Variants in GSN observed in about 807,000 individuals in gnomAD.
The protein encoded by GSN is gelsolin.
A neutral mutation model predicts 85.7 loss-of-function variants in GSN; 56 were observed. That is an observed-to-expected ratio of 0.65 (90% CI 0.53 to 0.82). The LOEUF (loss-of-function observed/expected upper bound fraction) is 0.82, where lower values mean the gene tolerates loss of function less well. GSN is among the 40% of genes least tolerant of loss of function. The pLI, the probability that GSN is intolerant of heterozygous loss-of-function variation, is 0.00. For missense variants in GSN, 857 were observed against 979.8 expected (o/e 0.87, Z 1.67); for synonymous variants, 373 against 399.1 (o/e 0.93, Z 0.78).
At chr9:121,243,552 A>G (rs887768224) in intron 5 of GSN, among the ~76,000 whole-genome samples, 26 of 152,254 alleles carry the variant, frequency 1.7e-4, no homozygotes, top group African/African-American at 5.8e-4. Flanking sequence ...AGGGTTATTG[A>G]GGTATAATGT....
At chr9:121,275,953 C>A (rs1335432818) in intron 1 of GSN, among the ~76,000 whole-genome samples, 3 of 152,170 alleles carry the variant, frequency 2.0e-5, no homozygotes, top group Non-Finnish European at 2.9e-5. Context: ...TATACCAAGA[C>A]ATCTTATTGT....
chr9:121,271,751 A>T (rs2056002651), intron 1 of GSN, among the ~76,000 whole-genome samples: 1 of 152,160 alleles, frequency 6.6e-6, no homozygotes, highest in Non-Finnish European at 1.5e-5. Flanking sequence ...TTGTAAACTC[A>T]TGCTTTCCTG....
intron 12 of GSN, 80 bp from the exon 13 acceptor site, chr9:121,326,432 G>A (rs2063172064): frequency 2.6e-6 from 3 of 1,152,936 alleles, no homozygotes; most frequent in East Asian, 4.8e-5. Flanking sequence ...GCTTCGTCTG[G>A]AGGGATGGGC....
intron 16 of GSN, among the ~76,000 whole-genome samples, chr9:121,330,226 T>C (rs2063737995): frequency 6.6e-6 from 1 of 152,190 alleles, no homozygotes; most frequent in Admixed American, 6.5e-5. Flanking sequence ...ATGAGCAAAA[T>C]AGAATGCCTG....
intron 6 of GSN, among the ~76,000 whole-genome samples, chr9:121,252,478 G>T (rs1168111536): frequency 2.0e-5 from 3 of 152,224 alleles, no homozygotes; most frequent in Non-Finnish European, 4.4e-5. Flanking sequence ...TGTTCACCAA[G>T]TATCTATCTA....
chr9:121,249,306 A>G (rs550562548), intron 6 of GSN, among the ~76,000 whole-genome samples: 2 of 151,460 alleles, frequency 1.3e-5, no homozygotes, highest in Non-Finnish European at 3.0e-5. Flanking sequence ...AAAAAAAAAA[A>G]TTTTTTTTTA....
At position 121,327,457 on chromosome 9, in the gene GSN, G is replaced by T; in HGVS notation, c.1737G>T (p.Val579=). 1 of 1,591,160 alleles carries T rather than the reference G, an allele frequency of 6.3e-7. No individual in the cohort carries two copies. Among genetic ancestry groups the T allele is most frequent in the Non-Finnish European group, 8.6e-7 (1 of 1,167,964 alleles). The part of the protein sequence containing the change: ...ELLRVLRAQP[V]QVAEGSEPDG... ...TCAGGGTGCTGCGGGCCCAACCTGTGCAGGTGGCAGAAGGCAGCGAGCCAG... is the reference window on the plus strand; with the variant it reads ...TCAGGGTGCTGCGGGCCCAACCTGTTCAGGTGGCAGAAGGCAGCGAGCCAG... Residue 579 remains valine (V), a synonymous_variant, in exon 14 of 18, where the codon GTG becomes GTT. Transcript: ENST00000432226.
chr9:121,313,621 A>G (rs368689595), intron 6 of GSN: 1 of 419,930 alleles, frequency 2.4e-6, no homozygotes. Flanking sequence ...TTTTAAAGGT[A>G]GGCGGTAGAA....
Position 121,321,290 on chromosome 9 carries a change from AC to A in GSN, c.1215del (p.Asn405LysfsTer34). ...CAGATCTGGAGAATCGAAGGTTCCA[AC>A]AAGGTGCCCGTGGACCCTGCCACAT... ...QKQIWRIEGS[N>X]KVPVDPATYG... On this transcript the variant is annotated frameshift_variant, in exon 11 of 18. Coordinates refer to ENST00000432226, the MANE Select transcript of GSN (RefSeq NM_198252.3). LOFTEE classifies it high-confidence loss of function. 6.2e-7 allele frequency: 1 copy of A among 1,614,096 alleles called. No homozygotes were observed. The highest frequency in any genetic ancestry group is 8.5e-7 in the Non-Finnish European group (1 of 1,179,942).
chr9:121,216,480 G>A (rs2054066588), intron 4 of GSN, among the ~76,000 whole-genome samples: 1 of 152,086 alleles, frequency 6.6e-6, no homozygotes, highest in South Asian at 2.1e-4. Flanking sequence ...ACATTCACTG[G>A]CCAAGACTTT....
Position 121,324,627 on chromosome 9 carries a change from G to A in GSN, c.1399G>A (p.Gly467Arg), listed in dbSNP as rs145721476. 1.8e-5 allele frequency: 27 copies of A among 1,537,562 alleles called. No individual in the cohort carries two copies. The African/African-American group carries it at 2.6e-4, about 15-fold the overall frequency. ...GACTGCTCAGCTGGATGAGGAGCTG[G>A]GAGGTACCCCTGTCCAGGTGAGCCC... ...ILTAQLDEEL[G>R]GTPVQSRVVQ... The change falls in exon 12 of 18, where the codon GGA becomes AGA. Residue 467 changes from glycine to arginine, a missense_variant. Coordinates refer to ENST00000432226, the MANE Select transcript of GSN (RefSeq NM_198252.3).
intron 4 of GSN, among the ~76,000 whole-genome samples, chr9:121,220,360 A>G (rs978319215): frequency 2.3e-5 from 3 of 129,214 alleles, no homozygotes; most frequent in African/African-American, 7.5e-5. Flanking sequence ...TATCTGCATC[A>G]TTAGTATTCT....
chr9:121,262,729 A>T (rs760382692), intron 6 of GSN, among the ~76,000 whole-genome samples: 2 of 152,228 alleles, frequency 1.3e-5, no homozygotes, highest in Non-Finnish European at 2.9e-5. Context: ...GGCAGTGCTT[A>T]TATGGAACAC....
intron 2 of GSN, among the ~76,000 whole-genome samples, chr9:121,291,759 A>G (rs1722971318): frequency 6.6e-6 from 1 of 152,004 alleles, no homozygotes; most frequent in Admixed American, 6.6e-5. Context: ...TACTTGTATC[A>G]AGTTCTGGTG....
At chr9:121,268,090 C>G (rs1384398506), upstream of GSN, 2 of 151,626 alleles carry the variant, frequency 1.3e-5, no homozygotes, top group African/African-American at 4.8e-5. Flanking sequence ...GCCGCCCCGC[C>G]CCGAGGGCGG....
chr9:121,278,719 G>C (rs13292100), intron 1 of GSN, among the ~76,000 whole-genome samples: 57,574 of 152,092 alleles, frequency 0.38, 13,583 homozygotes, highest in East Asian at 0.62. Flanking sequence ...GTGGGTGGTG[G>C]ACTAGAATCA....
At chr9:121,323,371 GTTT>G (rs59056849) in intron 11 of GSN, among the ~76,000 whole-genome samples, 1 of 117,744 alleles carries the variant, frequency 8.5e-6, no homozygotes, top group Admixed American at 9.4e-5. Flanking sequence ...TCCCATTACC[GTTT>G]TTTTTTTTTT....
At chr9:121,254,097 G>C (rs1251526650) in intron 6 of GSN, among the ~76,000 whole-genome samples, 1 of 152,030 alleles carries the variant, frequency 6.6e-6, no homozygotes, top group Non-Finnish European at 1.5e-5. Context: ...CTAGAGTCTG[G>C]ATCATCAGCA....
chr9:121,296,072 G>C (rs985393823), intron 2 of GSN, among the ~76,000 whole-genome samples: 7 of 152,206 alleles, frequency 4.6e-5, no homozygotes, highest in Admixed American at 4.6e-4. Context: ...GCCCTGGCCT[G>C]GGAAGTGTCG....
Sources: gnomAD v4.1 joint callset for allele counts (sites outside exome capture counted in the v4.1 genomes callset) on GRCh38, gnomAD v4.1.1 for gene constraint, MANE v1.5 for transcripts, NCBI Gene and HGNC (gene_info 2026-07-23, HGNC 2026-07-21) for gene names.